The following COL4A2 variants were observed in gnomAD, a reference collection of about 807,000 sequenced individuals.
COL4A2 encodes the protein collagen type IV alpha 2 chain, also known as collagen alpha-2(IV) chain.
Under a neutral mutation model 200.2 loss-of-function variants are expected in COL4A2, and 99 were observed. The observed-to-expected ratio is 0.49, with a 90% CI of 0.42 to 0.58. COL4A2 has a LOEUF of 0.58. Among genes scored for constraint, COL4A2 ranks in the 20% least tolerant of loss-of-function variants. COL4A2 has a pLI of 0.00. For missense variants in COL4A2, 1,950 were observed against 2,314.1 expected, an observed-to-expected ratio of 0.84 and a Z score of 3.23; for synonymous variants, 897 against 900.6, an observed-to-expected ratio of 1.00 and a Z score of 0.07.
At chr13:110,484,175 G>GTTAA (rs780108949) in intron 32 of COL4A2, among the ~76,000 whole-genome samples, 2 of 152,106 alleles carry the variant, frequency 1.3e-5, no homozygotes, top group African/African-American at 2.4e-5. Flanking sequence ...TTAGGGTGAA[G>GTTAA]TTAACCATGG....
In COL4A2 at chr13:110,309,950, C is replaced by CA. The variant is rs542984016; in HGVS notation, c.99+1828dup. Among the ~76,000 whole-genome samples the CA allele has an allele frequency of 1.9e-3, 282 of 152,322 alleles. 2 individuals are homozygous for CA. In the South Asian group the frequency reaches 0.019, roughly 10 times the overall value. The stretch of plus-strand genomic sequence containing the variant: ...AGGTTGCAGTAAGCCGAAATAGCAC[C>CA]ACTGCTCTCCAGTCTGGGCGACGGA... On this transcript the variant is annotated intron_variant, in intron 3 of 47. Transcript: ENST00000360467.
chr13:110,431,943 A>T (rs1880695913), intron 10 of COL4A2, among the ~76,000 whole-genome samples: 1 of 152,234 alleles, frequency 6.6e-6, no homozygotes, highest in Non-Finnish European at 1.5e-5. Flanking sequence ...CCAAGCTACC[A>T]GGAAGAAGTC....
chr13:110,429,846 TTTG>T (rs747835784), intron 7 of COL4A2, 36 bp from the exon 8 acceptor site: 6 of 1,595,958 alleles, frequency 3.8e-6, no homozygotes, highest in African/African-American at 1.3e-5. Context: ...ATGGACTCTT[TTTG>T]TTGTTTTTTC....
At chr13:110,481,819 GC>G (rs1882936977) in intron 31 of COL4A2, among the ~76,000 whole-genome samples, 1 of 99,062 alleles carries the variant, frequency 1.0e-5, no homozygotes, top group African/African-American at 5.0e-5. Context: ...GAGACACACT[GC>G]TCTGTCCCTC....
intron 3 of COL4A2, among the ~76,000 whole-genome samples, chr13:110,320,956 T>G (rs1885258749): frequency 6.6e-6 from 1 of 152,206 alleles, no homozygotes; most frequent in African/African-American, 2.4e-5. Flanking sequence ...TGGGCTTTTC[T>G]TAGTCTTTCA....
intron 3 of COL4A2, among the ~76,000 whole-genome samples, chr13:110,348,792 A>G (rs1876823849): frequency 6.6e-6 from 1 of 152,196 alleles, no homozygotes; most frequent in Non-Finnish European, 1.5e-5. Flanking sequence ...AATTTGGGTT[A>G]GATGCTAGGC....
chr13:110,480,327 G>A lies in COL4A2; in HGVS notation c.2695G>A (p.Gly899Ser). The change falls in exon 31 of 48, where the codon GGC becomes AGC. Residue 899 changes from glycine to serine, a missense_variant. Gly to Ser is a moderately conservative substitution (Grantham distance 56, BLOSUM62 0). Transcript: ENST00000360467. ...RGDAGFTGEQ[G>S]HPGSPGFKGI... ...AGATGCTGGCTTCACAGGGGAGCAA[G>A]GCCATCCAGGAAGCCCTGGATTTAA... The A allele has an allele frequency of 6.2e-7, 1 of 1,614,002 alleles. No individual in the cohort carries two copies. Among genetic ancestry groups the A allele is most frequent in the Non-Finnish European group, 8.5e-7 (1 of 1,179,940 alleles).
At chr13:110,420,620 T>G (rs1177595823) in intron 4 of COL4A2, among the ~76,000 whole-genome samples, 1 of 152,248 alleles carries the variant, frequency 6.6e-6, no homozygotes, top group Non-Finnish European at 1.5e-5. Context: ...TTAATGTCAC[T>G]TATCACAAAA....
chr13:110,428,643 T>C, intron 7 of COL4A2, 60 bp downstream of exon 7: 1 of 991,592 alleles, frequency 1.0e-6, no homozygotes, highest in Non-Finnish European at 1.4e-6. Flanking sequence ...AAGCCCTGCC[T>C]TTATAACCTG....
At chr13:110,323,217 C>T (rs1885320641) in intron 3 of COL4A2, among the ~76,000 whole-genome samples, 1 of 152,332 alleles carries the variant, frequency 6.6e-6, no homozygotes, top group African/African-American at 2.4e-5. Context: ...GGGCCTGTTG[C>T]TGCCCCACTG....
intron 40 of COL4A2, among the ~76,000 whole-genome samples, chr13:110,497,054 C>A (rs1883484164): frequency 1.3e-5 from 2 of 148,844 alleles, no homozygotes; most frequent in South Asian, 4.3e-4. Context: ...CCAGCACAAG[C>A]TCCACTGAGG....
chr13:110,446,209 TTG>T (rs146363545), intron 17 of COL4A2, among the ~76,000 whole-genome samples: 4,574 of 152,130 alleles, frequency 0.03, 95 homozygotes, highest in Non-Finnish European at 0.046. Context: ...AGGATGTGGC[TTG>T]TGTGAGTAAT....
intron 28 of COL4A2, among the ~76,000 whole-genome samples, chr13:110,471,721 C>T (rs573688717): frequency 7.2e-5 from 11 of 152,296 alleles, no homozygotes; most frequent in South Asian, 4.1e-4. Context: ...ATGGCTTTAC[C>T]GGCCCAGGAG....
At chr13:110,391,650 T>C (rs1417349942) in intron 4 of COL4A2, among the ~76,000 whole-genome samples, 1 of 152,234 alleles carries the variant, frequency 6.6e-6, no homozygotes, top group African/African-American at 2.4e-5. Flanking sequence ...CTCTAATCTC[T>C]GTAAGCCTCA....
intron 4 of COL4A2, among the ~76,000 whole-genome samples, chr13:110,373,109 A>G (rs1878088263): frequency 6.6e-6 from 1 of 152,198 alleles, no homozygotes; most frequent in Non-Finnish European, 1.5e-5. Flanking sequence ...ATTTAGTTGT[A>G]AGTTTTTTCT....
chr13:110,452,415 G>T (rs1343333228), intron 20 of COL4A2, among the ~76,000 whole-genome samples: 1 of 152,186 alleles, frequency 6.6e-6, no homozygotes, highest in Admixed American at 6.5e-5. Context: ...GCCCGCCTCG[G>T]TCTCCCAAAG....
At chr13:110,490,024 A>G (rs541813107) in intron 36 of COL4A2, among the ~76,000 whole-genome samples, 13 of 152,306 alleles carry the variant, frequency 8.5e-5, no homozygotes, top group Non-Finnish European at 1.5e-4. Context: ...AAAAGCCAGA[A>G]TGGACCCTCG....
rs567537145 is a variant in COL4A2 at position 110,468,703 on chromosome 13, G to A, written c.2096-514G>A. Among the ~76,000 whole-genome samples the A allele has an allele frequency of 6.4e-4, 98 of 152,314 alleles. 2 individuals carry two copies. The South Asian group carries it at 0.019, about 30-fold the overall frequency. Reference sequence around the variant, plus strand: ...GCGCCAGGAACGGGGATAAAAAAGTGTGGCAGATGGGTTTTGTGACATGGC... The same window carrying A: ...GCGCCAGGAACGGGGATAAAAAAGTATGGCAGATGGGTTTTGTGACATGGC... On this transcript the variant is annotated intron_variant, in intron 27 of 47. Transcript: ENST00000360467.
At chr13:110,381,127 AGGCTCTATCTCACACCCATG>A (rs1878471926) in intron 4 of COL4A2, among the ~76,000 whole-genome samples, 1 of 134,090 alleles carries the variant, frequency 7.5e-6, no homozygotes, top group Non-Finnish European at 1.6e-5. Flanking sequence ...TCACAACCAG[AGGCTCTATCTCACACCCATG>A]GGCTCTATCT....
Sources: allele counts gnomAD v4.1 joint callset (sites outside exome capture counted in the v4.1 genomes callset), GRCh38; gene constraint gnomAD v4.1.1; transcripts MANE v1.5; gene names NCBI Gene and HGNC (gene_info 2026-07-23, HGNC 2026-07-21).